The following LARS2 variants were observed in gnomAD, a reference collection of about 807,000 sequenced individuals.
The protein encoded by LARS2 is leucyl-tRNA synthetase 2, mitochondrial, also known as leucine--tRNA ligase, mitochondrial.
LARS2 carries 81 observed loss-of-function variants against 116.6 expected under a neutral mutation model. That is an observed-to-expected ratio of 0.69 (90% CI 0.58 to 0.84). LARS2 has a LOEUF of 0.84. Ranked by LOEUF, LARS2 falls within the 40% of genes least tolerant of loss-of-function variation. The pLI, the probability that LARS2 is intolerant of heterozygous loss-of-function variation, is 0.00. For missense variants in LARS2, 968 were observed against 1,114.5 expected (o/e 0.87, Z 1.87); for synonymous variants, 396 against 407.2 (o/e 0.97, Z 0.33).
intron 20 of LARS2, among the ~76,000 whole-genome samples, chr3:45,529,336 G>T (rs1347007731): frequency 6.6e-6 from 1 of 152,074 alleles, no homozygotes; most frequent in Non-Finnish European, 1.5e-5. Context: ...GGAGGCTGAG[G>T]TGGGCTGATC....
Position 45,496,323 on chromosome 3 carries a change from T to C in LARS2, c.1572T>C (p.Val524=). ...KRETDTMDTF[V]DSAWYYFRYT... ...AGACAGACACGATGGATACCTTTGT[T>C]GATTCTGCTTGGTACTACTTCAGAT... Residue 524 remains valine, a synonymous_variant, in exon 14 of 22, where the codon GTT becomes GTC. Transcript: ENST00000645846. 6.2e-7 allele frequency: 1 copy of C among 1,614,160 alleles called. No homozygotes were observed. The highest frequency in any genetic ancestry group is 2.2e-5 in the East Asian group (1 of 44,886).
At chr3:45,457,442 G>T (rs1202883310) in intron 7 of LARS2, among the ~76,000 whole-genome samples, 1 of 152,226 alleles carries the variant, frequency 6.6e-6, no homozygotes, top group Non-Finnish European at 1.5e-5. Context: ...ACTTTGGGAG[G>T]CCAAGGCGGG....
At chr3:45,480,821 T>G (rs1290892451) in intron 10 of LARS2, among the ~76,000 whole-genome samples, 1 of 152,238 alleles carries the variant, frequency 6.6e-6, no homozygotes, top group African/African-American at 2.4e-5. Context: ...ATATAACTTT[T>G]ACATGTAATA....
At chr3:45,401,572 G>A (rs2673316) in intron 4 of LARS2, among the ~76,000 whole-genome samples, 89,742 of 151,830 alleles carry the variant, frequency 0.59, 27,134 homozygotes, top group African/African-American at 0.68. Context: ...GAGGACAAAC[G>A]CCCTTCCTTG....
intron 6 of LARS2, among the ~76,000 whole-genome samples, chr3:45,426,856 AG>A (rs2125692108): frequency 6.6e-6 from 1 of 152,300 alleles, no homozygotes; most frequent in African/African-American, 2.4e-5. Flanking sequence ...TCATGAGCCC[AG>A]TCAGGTCATC....
chr3:45,515,226 T>A (rs1700355265), intron 16 of LARS2, among the ~76,000 whole-genome samples: 1 of 152,216 alleles, frequency 6.6e-6, no homozygotes, highest in South Asian at 2.1e-4. Flanking sequence ...TTCTTCCTGC[T>A]TCTCTCTGTT....
At chr3:45,543,594 G>A (rs1224301487) in intron 21 of LARS2, among the ~76,000 whole-genome samples, 1 of 151,744 alleles carries the variant, frequency 6.6e-6, no homozygotes, top group Non-Finnish European at 1.5e-5. Context: ...CTCCCAAGTA[G>A]CTGAGATTAC....
At position 45,485,659 on chromosome 3, in the gene LARS2, G is replaced by A. The variant is rs375662772; in HGVS notation, c.1019-33G>A. The A allele has an allele frequency of 4.2e-4, 533 of 1,259,882 alleles. 1 individual carries two copies. Among genetic ancestry groups the A allele is most frequent in the Admixed American group, 5.8e-4 (29 of 50,228 alleles). The allele number at this position is 1,259,882 out of a possible 1,614,324, so 78.0% of individuals were successfully genotyped here. A position where few individuals can be genotyped will look rare whatever the true frequency, so the allele number is the denominator to read the frequency against. ...CAGATGGTGTTGGTGTCTCAGTTGAGTGGCATCCACAGTTATTTGCTCTCA... is the reference window on the plus strand; with the variant it reads ...CAGATGGTGTTGGTGTCTCAGTTGAATGGCATCCACAGTTATTTGCTCTCA... On this transcript the variant is annotated intron_variant, in intron 10 of 21. Coordinates refer to ENST00000645846, the MANE Select transcript of LARS2 (RefSeq NM_015340.4).
intron 20 of LARS2, among the ~76,000 whole-genome samples, chr3:45,525,472 T>C (rs1290633521): frequency 6.6e-6 from 1 of 152,236 alleles, no homozygotes; most frequent in Non-Finnish European, 1.5e-5. Flanking sequence ...CAGGAACTAA[T>C]CCTAAAACCT....
chr3:45,513,378 C>T, intron 16 of LARS2, 143 bp downstream of exon 16: 1 of 640,860 alleles, frequency 1.6e-6, no homozygotes, highest in Non-Finnish European at 2.8e-6. Flanking sequence ...CTCTAAGCCT[C>T]AGCTCCCTCT....
chr3:45,546,889 C>T (rs1055338960), intron 21 of LARS2, among the ~76,000 whole-genome samples: 6 of 152,208 alleles, frequency 3.9e-5, no homozygotes, highest in Non-Finnish European at 5.9e-5. Context: ...CCCCTTGAAA[C>T]CGTCAACTGT....
At chr3:45,436,359 A>AG (rs1490611667) in intron 6 of LARS2, among the ~76,000 whole-genome samples, 1 of 151,966 alleles carries the variant, frequency 6.6e-6, no homozygotes, top group Non-Finnish European at 1.5e-5. Flanking sequence ...AAAAAAAAAA[A>AG]CAAAAACAGG....
At chr3:45,512,170 C>T (rs1700301348) in intron 15 of LARS2, among the ~76,000 whole-genome samples, 1 of 152,124 alleles carries the variant, frequency 6.6e-6, no homozygotes, top group Admixed American at 6.5e-5. Flanking sequence ...AAAAATTTAC[C>T]TTGAGCAACC....
intron 6 of LARS2, chr3:45,421,941 A>C (rs1698520528): frequency 6.6e-6 from 1 of 152,248 alleles, no homozygotes; most frequent in Non-Finnish European, 1.5e-5. Context: ...TTTGCTGCCC[A>C]GCATCTCAAG....
chr3:45,544,777 G>T (rs969155777), intron 21 of LARS2, among the ~76,000 whole-genome samples: 1 of 152,166 alleles, frequency 6.6e-6, no homozygotes, highest in Non-Finnish European at 1.5e-5. Flanking sequence ...CAGAAAATAC[G>T]TTATGAGGAA....
At chr3:45,475,356 G>A (rs544124143) in intron 9 of LARS2, among the ~76,000 whole-genome samples, 1 of 152,370 alleles carries the variant, frequency 6.6e-6, no homozygotes, top group African/African-American at 2.4e-5. Context: ...CCATAAGGGA[G>A]TGTGTACTTT....
At chr3:45,469,581 T>C (rs1699486486) in intron 8 of LARS2, among the ~76,000 whole-genome samples, 2 of 152,024 alleles carry the variant, frequency 1.3e-5, no homozygotes, top group Non-Finnish European at 2.9e-5. Flanking sequence ...CCTGACCTCG[T>C]GATCCGCCCG....
chr3:45,391,862 G>T (rs964840315), intron 2 of LARS2, among the ~76,000 whole-genome samples: 6 of 152,232 alleles, frequency 3.9e-5, no homozygotes, highest in African/African-American at 1.4e-4. Context: ...TTCTTGTTGT[G>T]TAGACAGACA....
chr3:45,542,367 A>G (rs369581918), intron 21 of LARS2, among the ~76,000 whole-genome samples: 2 of 152,290 alleles, frequency 1.3e-5, no homozygotes, highest in African/African-American at 4.8e-5. Context: ...AATACCTGTA[A>G]AACATATTTC....
Sources: gnomAD v4.1 joint callset for allele counts (sites outside exome capture counted in the v4.1 genomes callset) on GRCh38, gnomAD v4.1.1 for gene constraint, MANE v1.5 for transcripts, NCBI Gene and HGNC (gene_info 2026-07-23, HGNC 2026-07-21) for gene names.